PABPC4L: variants seen among roughly 807,000 people sequenced by gnomAD.
PABPC4L encodes poly(A) binding protein cytoplasmic 4 like.
For synonymous variants in PABPC4L, 169 were observed against 164.1 expected (o/e 1.03, Z -0.23); for missense variants, 452 against 451.4 (o/e 1.00, Z -0.01).
chr4:134,017,839 G>A, the PABPC4L span, among the ~76,000 whole-genome samples: 7 of 151,732 alleles, frequency 4.6e-5, no homozygotes, highest in African/African-American at 7.3e-5. Flanking sequence ...TTCCCATGCC[G>A]CCCCTAATCC....
chr4:134,088,782 C>T, the PABPC4L span, among the ~76,000 whole-genome samples: 1 of 151,940 alleles, frequency 6.6e-6, no homozygotes, highest in Admixed American at 6.6e-5. Flanking sequence ...TTATAAATTA[C>T]CTCATTTCAG....
chr4:134,042,620 G>T, the PABPC4L span, among the ~76,000 whole-genome samples: 2 of 152,142 alleles, frequency 1.3e-5, no homozygotes, highest in African/African-American at 4.8e-5. Flanking sequence ...TAATAATTTT[G>T]CCATAACAAC....
the PABPC4L span, among the ~76,000 whole-genome samples, chr4:133,996,738 G>A: frequency 6.6e-6 from 1 of 152,104 alleles, no homozygotes; most frequent in East Asian, 1.9e-4. Context: ...GCCCAGGTAG[G>A]GGACCGCACT....
the PABPC4L span, among the ~76,000 whole-genome samples, chr4:134,047,417 T>C: frequency 3.2e-4 from 49 of 152,168 alleles, 1 homozygote; most frequent in East Asian, 8.9e-3. Context: ...CAGAATACCA[T>C]GGGGTCCTGA....
At chr4:134,050,459 C>T in the PABPC4L span, among the ~76,000 whole-genome samples, 2 of 152,010 alleles carry the variant, frequency 1.3e-5, no homozygotes, top group Admixed American at 1.3e-4. Context: ...AATCCCAGCA[C>T]TTTGGGAGGC....
the PABPC4L span, among the ~76,000 whole-genome samples, chr4:134,174,420 C>A: frequency 6.6e-6 from 1 of 152,084 alleles, no homozygotes; most frequent in African/African-American, 2.4e-5. Flanking sequence ...TACTTTTACA[C>A]CACTGCCAGG....
the PABPC4L span, among the ~76,000 whole-genome samples, chr4:134,127,527 G>A: frequency 6.6e-6 from 1 of 152,012 alleles, no homozygotes; most frequent in Admixed American, 6.6e-5. Flanking sequence ...GGCTCTGCTG[G>A]GTGGCCAGAT....
chr4:134,135,958 A>C, the PABPC4L span, among the ~76,000 whole-genome samples: 1 of 152,112 alleles, frequency 6.6e-6, no homozygotes, highest in Non-Finnish European at 1.5e-5. Flanking sequence ...TTTAAGCATA[A>C]CTCCTCAATT....
the PABPC4L span, among the ~76,000 whole-genome samples, chr4:133,974,541 A>T: frequency 6.6e-6 from 1 of 152,144 alleles, no homozygotes; most frequent in Non-Finnish European, 1.5e-5. Flanking sequence ...GACCAAAACT[A>T]AAACCCTTTG....
the PABPC4L span, among the ~76,000 whole-genome samples, chr4:134,078,745 C>A: frequency 2.0e-5 from 3 of 151,596 alleles, no homozygotes; most frequent in Non-Finnish European, 4.4e-5. Flanking sequence ...TCCACCTCCC[C>A]GTGTTCAAGC....
At chr4:134,117,416 T>A in the PABPC4L span, among the ~76,000 whole-genome samples, 1 of 151,754 alleles carries the variant, frequency 6.6e-6, no homozygotes, top group East Asian at 1.9e-4. Flanking sequence ...CATGGAATGA[T>A]AAAAATATCC....
chr4:134,180,666 A>C, the PABPC4L span, among the ~76,000 whole-genome samples: 1 of 151,604 alleles, frequency 6.6e-6, no homozygotes, highest in Non-Finnish European at 1.5e-5. Flanking sequence ...GAGATGATCC[A>C]AATAAATACA....
chr4:133,982,145 G>A, the PABPC4L span, among the ~76,000 whole-genome samples: 2 of 151,888 alleles, frequency 1.3e-5, no homozygotes, highest in South Asian at 2.1e-4. Flanking sequence ...CTATAAAAAC[G>A]TAATGGAAAG....
chr4:134,179,314 A>G, the PABPC4L span, among the ~76,000 whole-genome samples: 2 of 152,098 alleles, frequency 1.3e-5, no homozygotes, highest in African/African-American at 4.8e-5. Context: ...AAGAAATAAG[A>G]TCCTTTTCAG....
chr4:133,982,381 C>A, the PABPC4L span, among the ~76,000 whole-genome samples: 1 of 152,034 alleles, frequency 6.6e-6, no homozygotes, highest in Admixed American at 6.6e-5. Context: ...CATCTTAATT[C>A]ATGTTTAACT....
chr4:133,972,486 C>A, the PABPC4L span, among the ~76,000 whole-genome samples: 1 of 152,110 alleles, frequency 6.6e-6, no homozygotes, highest in Non-Finnish European at 1.5e-5. Flanking sequence ...TCAAGACTCT[C>A]AGATGAGTCC....
At chr4:134,129,967 AG>A in the PABPC4L span, among the ~76,000 whole-genome samples, 3 of 150,530 alleles carry the variant, frequency 2.0e-5, no homozygotes, top group African/African-American at 7.3e-5. Flanking sequence ...CAGGAGGCTG[AG>A]GCAGGAGAAT....
the PABPC4L span, among the ~76,000 whole-genome samples, chr4:134,135,649 T>C: frequency 6.6e-6 from 1 of 151,932 alleles, no homozygotes; most frequent in Non-Finnish European, 1.5e-5. Flanking sequence ...CTGACCAACA[T>C]GGAGAAACTC....
the PABPC4L span, among the ~76,000 whole-genome samples, chr4:134,167,135 A>G: frequency 1.5e-4 from 23 of 152,180 alleles, no homozygotes; most frequent in African/African-American, 5.3e-4. Flanking sequence ...TGCTAGATAC[A>G]TGGTATTATA....
Sources: allele counts gnomAD v4.1 joint callset (sites outside exome capture counted in the v4.1 genomes callset), GRCh38; gene constraint gnomAD v4.1.1; transcripts MANE v1.5; gene names NCBI Gene and HGNC (gene_info 2026-07-23, HGNC 2026-07-21).